RGL4: variants seen among roughly 807,000 people sequenced by gnomAD.
RGL4 encodes ral-GDS-related protein.
A neutral mutation model predicts 49.6 loss-of-function variants in RGL4; 41 were observed. The observed-to-expected ratio is 0.83, with a 90% confidence interval of 0.64 to 1.07. The LOEUF is 1.07. RGL4 is among the 50% of genes least tolerant of loss of function. The pLI, the probability that RGL4 is intolerant of heterozygous loss-of-function variation, is 0.00. For missense variants in RGL4, 610 were observed against 591.9 expected (o/e 1.03, Z -0.32); for synonymous variants, 255 against 238.0 (o/e 1.07, Z -0.66).
In RGL4 at chr22:23,692,751, T is replaced by G; in HGVS notation, c.456T>G (p.Pro152=). ...CACCACTGCTGGCGGACCTGGGGCC[T>G]GCTCTGGAGCCAGAGTCACCTGCAG... ...PAPPLLADLG[P]ALEPESPAAL... Residue 152 remains proline, a synonymous_variant, in exon 3 of 11, where the codon CCT becomes CCG. Coordinates refer to ENST00000290691, the MANE Select transcript of RGL4 (RefSeq NM_153615.2). The G allele has an allele frequency of 1.2e-6, 2 of 1,613,374 alleles. No homozygotes were observed. Among genetic ancestry groups the G allele is most frequent in the Non-Finnish European group, 1.7e-6 (2 of 1,179,984 alleles).
At chr22:23,695,095 C>T in intron 6 of RGL4, 76 bp downstream of exon 6, 1 of 1,123,334 alleles carries the variant, frequency 8.9e-7, no homozygotes, top group Non-Finnish European at 1.4e-6. Context: ...GGGCATTGGA[C>T]CAGGTGTCGA....
At chr22:23,697,761 A>AG in intron 8 of RGL4, 77 bp from the exon 9 acceptor site, 1 of 1,480,864 alleles carries the variant, frequency 6.8e-7, no homozygotes. Context: ...CCCTGGCAGT[A>AG]GTGCAGCATG....
In RGL4 at chr22:23,697,174, G is replaced by A. The variant is rs1353464213; in HGVS notation, c.1165G>A (p.Val389Met). ...TCCCCACCCCTCCTTGGCACAGGGT[G>A]TGGTCCCCTTCCTGGGGGATTTTCT... ...QMRLRRQKKG[V>M]VPFLGDFLTE... Residue 389 changes from valine to methionine, a missense_variant, in exon 8 of 11, where the codon GTG becomes ATG. Transcript: ENST00000290691. 3.7e-6 allele frequency: 6 copies of A among 1,612,628 alleles called. No homozygotes were observed. The highest frequency in any genetic ancestry group is 5.1e-6 in the Non-Finnish European group (6 of 1,178,992).
Position 23,691,908 on chromosome 22 carries a change from TG to T in RGL4, c.-121del. 1 of 954,438 alleles carries T rather than the reference TG, an allele frequency of 1.0e-6. No homozygotes were observed. The highest frequency in any genetic ancestry group is 1.6e-6 in the Non-Finnish European group (1 of 637,160). The allele number at this position is 954,438 out of a possible 1,614,324, so 59.1% of individuals were successfully genotyped here. On this transcript the variant is annotated 5_prime_UTR_variant, in exon 1 of 11. Coordinates refer to ENST00000290691, the MANE Select transcript of RGL4 (RefSeq NM_153615.2). ...GCAGAGGGGAGGCTGGGGTCACAGC[TG>T]GCCACTGAGAGACCCATCCCCCTCA...
At position 23,692,978 on chromosome 22, in the gene RGL4, C is replaced by A; in HGVS notation, c.683C>A (p.Thr228Asn). The A allele has an allele frequency of 6.2e-7, 1 of 1,604,658 alleles. No homozygotes were observed. The highest frequency in any genetic ancestry group is 8.5e-7 in the Non-Finnish European group (1 of 1,174,460). Residue 228 changes from threonine (T) to asparagine (N), a missense_variant, in exon 3 of 11, where the codon ACC (threonine) becomes AAC (asparagine). Coordinates refer to ENST00000290691, the MANE Select transcript of RGL4 (RefSeq NM_153615.2). The part of the protein sequence containing the change: ...FPPRLLAEQL[T>N]LMDAELFKKV... ...CCCAGGCTGCTGGCAGAGCAGCTGACCCTCATGGATGCGGTGAGCAGCTGA... is the reference window on the plus strand; with the variant it reads ...CCCAGGCTGCTGGCAGAGCAGCTGAACCTCATGGATGCGGTGAGCAGCTGA...
At chr22:23,693,396 A>G (rs1923267301) in intron 3 of RGL4, among the ~76,000 whole-genome samples, 2 of 152,190 alleles carry the variant, frequency 1.3e-5, no homozygotes, top group African/African-American at 2.4e-5. Flanking sequence ...TGCCACAAGG[A>G]AAGTGCACCG....
chr22:23,694,086 C>T (rs1387524584), intron 4 of RGL4, 112 bp downstream of exon 4: 1 of 944,194 alleles, frequency 1.1e-6, no homozygotes, highest in Non-Finnish European at 1.6e-6. Flanking sequence ...CCCTGCACAT[C>T]CCCTAGGCTC....
chr22:23,696,844 C>A (rs1301268890), intron 7 of RGL4, among the ~76,000 whole-genome samples, 156 bp downstream of exon 7: 1 of 152,132 alleles, frequency 6.6e-6, no homozygotes, highest in Non-Finnish European at 1.5e-5. Flanking sequence ...ATTTGAGAGA[C>A]CAGAGGAAGG....
chr22:23,699,117 ATAAG>A lies in RGL4; in HGVS notation c.*239_*242del, dbSNP rs1210072258. On this transcript the variant is annotated 3_prime_UTR_variant, in exon 11 of 11. Transcript: ENST00000290691. ...ATTTTATGTTTATTTTCTTTAGTGT[ATAAG>A]TAAGGGTTTTTTCTTAACTTTCGTT... is the stretch of plus-strand genomic sequence containing the variant. 57 of 1,508,412 alleles carry A rather than the reference ATAAG, an allele frequency of 3.8e-5. No homozygotes were observed. Among genetic ancestry groups the A allele is most frequent in the Non-Finnish European group, 4.9e-5 (55 of 1,132,458 alleles). The allele number at this position is 1,508,412 out of a possible 1,614,324, so 93.4% of individuals were successfully genotyped here.
rs767619609 is a variant in RGL4 at position 23,698,248 on chromosome 22, G to C, written c.1297G>C (p.Val433Leu). The C allele has an allele frequency of 1.2e-6, 2 of 1,611,438 alleles. No individual in the cohort carries two copies. Among genetic ancestry groups the C allele is most frequent in the Admixed American group, 1.7e-5 (1 of 59,972 alleles). ...TCTGCAGGAAATGCAGCTGCTCCAA[G>C]TGGCTGCCATGAATTACAGGCTTCG... ...RVLQEMQLLQVAAMNYRLRPL... is the reference protein window; with the variant it reads ...RVLQEMQLLQLAAMNYRLRPL... The change falls in exon 10 of 11, where the codon GTG (valine) becomes CTG (leucine). Residue 433 changes from valine to leucine, a missense_variant. By Grantham distance (32) the Val-to-Leu change is conservative. Coordinates refer to ENST00000290691, the MANE Select transcript of RGL4 (RefSeq NM_153615.2).
intron 7 of RGL4, among the ~76,000 whole-genome samples, chr22:23,696,937 C>T (rs1375714235): frequency 6.6e-6 from 1 of 152,180 alleles, no homozygotes; most frequent in African/African-American, 2.4e-5. Flanking sequence ...AAAATCCCAC[C>T]ATAGAGGTTA....
Position 23,692,220 on chromosome 22 carries a change from G to A in RGL4, c.179+11G>A. On this transcript the variant is annotated intron_variant, in intron 1 of 10. Transcript: ENST00000290691. Reference sequence around the variant, plus strand: ...CACTGATGGCTTACGGTAGGGTGGGGCTGTCCTCCACACTGGCAGCAACAG... The same window carrying A: ...CACTGATGGCTTACGGTAGGGTGGGACTGTCCTCCACACTGGCAGCAACAG... The A allele has an allele frequency of 6.2e-7, 1 of 1,611,360 alleles. No individual in the cohort carries two copies. Among genetic ancestry groups the A allele is most frequent in the Non-Finnish European group, 8.5e-7 (1 of 1,177,822 alleles).
chr22:23,691,972 C>T lies in RGL4; in HGVS notation c.-59C>T. 1.9e-6 allele frequency: 3 copies of T among 1,573,912 alleles called. No individual in the cohort carries two copies. Among genetic ancestry groups the T allele is most frequent in the Non-Finnish European group, 2.6e-6 (3 of 1,153,850 alleles). ...CCCAGCTCTCCCTGTCCTCCTCCCCCCGACATCTGCCCCTTCCCTCCTAAC... is the reference window on the plus strand; with the variant it reads ...CCCAGCTCTCCCTGTCCTCCTCCCCTCGACATCTGCCCCTTCCCTCCTAAC... On this transcript the variant is annotated 5_prime_UTR_variant, in exon 1 of 11. Coordinates refer to ENST00000290691, the MANE Select transcript of RGL4 (RefSeq NM_153615.2).
At position 23,692,914 on chromosome 22, in the gene RGL4, C is replaced by T; in HGVS notation, c.619C>T (p.Gln207Ter). The T allele has an allele frequency of 6.2e-7, 1 of 1,613,532 alleles. No homozygotes were observed. Among genetic ancestry groups the T allele is most frequent in the Non-Finnish European group, 8.5e-7 (1 of 1,179,998 alleles). Residue 207 changes from glutamine to a stop codon, truncating the protein, a stop_gained, in exon 3 of 11, where the codon CAA becomes TAA. Transcript: ENST00000290691. LOFTEE classifies it high-confidence loss of function. ...TCCCTGTCGTGGGTCTGTAAAGAACCAACCCAGTGAGGAGCTGCCTGACAT... is the reference window on the plus strand; with the variant it reads ...TCCCTGTCGTGGGTCTGTAAAGAACTAACCCAGTGAGGAGCTGCCTGACAT... The part of the protein sequence containing the change: ...SCPCRGSVKN[Q>*]PSEELPDMTT...
chr22:23,693,683 C>T, intron 3 of RGL4, 76 bp from the exon 4 acceptor site: 1 of 1,199,214 alleles, frequency 8.3e-7, no homozygotes, highest in Non-Finnish European at 1.2e-6. Flanking sequence ...ACTGTGAGCT[C>T]AGTCCCTGCC....
Position 23,693,910 on chromosome 22 carries a change from G to C in RGL4, c.848G>C (p.Gly283Ala). The C allele has an allele frequency of 6.2e-7, 1 of 1,613,928 alleles. No individual in the cohort carries two copies. Residue 283 changes from glycine (G) to alanine (A), a missense_variant, in exon 4 of 11, where the codon GGG becomes GCG. By Grantham distance (60) the Gly-to-Ala change is moderately conservative. Transcript: ENST00000290691. Reference protein sequence around the residue: ...LTNCITTSCLGDHSMRARDRA... With the variant: ...LTNCITTSCLADHSMRARDRA... ...AACTGCATCACCACCTCCTGCCTCG[G>C]GGACCACAGCATGAGGGCCCGGGAC...
In RGL4 at chr22:23,691,983, C is replaced by A. The variant is rs1380304142; in HGVS notation, c.-48C>A. Reference sequence around the variant, plus strand: ...CTGTCCTCCTCCCCCCGACATCTGCCCCTTCCCTCCTAACCCCAGGACCAG... The same window carrying A: ...CTGTCCTCCTCCCCCCGACATCTGCACCTTCCCTCCTAACCCCAGGACCAG... On this transcript the variant is annotated 5_prime_UTR_variant, in exon 1 of 11. Transcript: ENST00000290691. 3 of 1,593,266 alleles carry A rather than the reference C, an allele frequency of 1.9e-6. No homozygotes were observed. Among genetic ancestry groups the A allele is most frequent in the East Asian group, 4.5e-5 (2 of 44,566 alleles).
At chr22:23,695,056 A>G (rs753822704) in intron 6 of RGL4, 37 bp downstream of exon 6, 1 of 1,484,424 alleles carries the variant, frequency 6.7e-7, no homozygotes, top group East Asian at 2.3e-5. Flanking sequence ...ACAAGTGTTT[A>G]AGGGTCAGAG....
intron 4 of RGL4, 23 bp downstream of exon 4, chr22:23,693,997 G>T: frequency 6.2e-7 from 1 of 1,602,206 alleles, no homozygotes; most frequent in South Asian, 1.1e-5. Flanking sequence ...TGGGCCTGGG[G>T]ATTCCCTCTT....
Sources: gnomAD v4.1 joint callset for allele counts (sites outside exome capture counted in the v4.1 genomes callset) on GRCh38, gnomAD v4.1.1 for gene constraint, MANE v1.5 for transcripts, NCBI Gene and HGNC (gene_info 2026-07-23, HGNC 2026-07-21) for gene names.